Variants in CNNM4 observed in about 807,000 individuals in gnomAD.
CNNM4 encodes metal transporter CNNM4.
In CNNM4, 32 loss-of-function variants were observed where a neutral mutation model predicts 53.7. The ratio of observed to expected loss-of-function variants is 0.60; its 90% CI spans 0.45 to 0.80. The LOEUF is 0.80. Ranked by LOEUF, CNNM4 falls within the 30% of genes least tolerant of loss-of-function variation. The pLI is 0.00. For missense variants in CNNM4, 784 were observed against 1,022.0 expected (o/e 0.77, Z 3.17); for synonymous variants, 410 against 440.0 (o/e 0.93, Z 0.85).
At chr2:96,762,759 G>C (rs116606508) in intron 1 of CNNM4, among the ~76,000 whole-genome samples, 2 of 152,178 alleles carry the variant, frequency 1.3e-5, no homozygotes, top group Non-Finnish European at 2.9e-5. Context: ...GAGTCAGGAA[G>C]GGGCTGGGAA....
rs889281402 is a variant in CNNM4, at chr2:96,761,439, T to A, written c.440T>A (p.Leu147Gln). The A allele has an allele frequency of 6.2e-7, 1 of 1,613,984 alleles. No individual in the cohort carries two copies. The highest frequency in any genetic ancestry group is 1.3e-5 in the African/African-American group (1 of 74,926). Residue 147 changes from leucine to glutamine, a missense_variant, in exon 1 of 7, where the codon CTG (leucine) becomes CAG (glutamine). Physicochemically the swap from Leu to Gln is moderately radical, Grantham distance 113. This residue lies in a region of CNNM4 where 473 missense variants were observed against 624.6 expected (regional missense o/e 0.76). Coordinates refer to ENST00000377075, the MANE Select transcript of CNNM4 (RefSeq NM_020184.4). The surrounding 1 kb of genome is among the most constrained non-coding windows in gnomAD (Gnocchi z 6.0). ...KFLRRSESMK[L>Q]YALCTRAQPD... Reference sequence around the variant, plus strand: ...CTCCGGAGGAGCGAGAGCATGAAGCTGTATGCACTGTGCACCCGGGCCCAG... The same window carrying A: ...CTCCGGAGGAGCGAGAGCATGAAGCAGTATGCACTGTGCACCCGGGCCCAG...
At chr2:96,782,666 A>G (rs78509956) in intron 1 of CNNM4, among the ~76,000 whole-genome samples, 2 of 152,288 alleles carry the variant, frequency 1.3e-5, no homozygotes, top group African/African-American at 2.4e-5. Context: ...TTTGACATCA[A>G]TGATTCCTTG....
intron 1 of CNNM4, among the ~76,000 whole-genome samples, chr2:96,765,152 G>C (rs2078804860): frequency 7.0e-6 from 1 of 142,570 alleles, no homozygotes; most frequent in Non-Finnish European, 1.5e-5. Context: ...TTGAGACGGA[G>C]TTTTGCTCTT....
chr2:96,770,819 C>T (rs970549722), intron 1 of CNNM4, among the ~76,000 whole-genome samples: 4 of 152,194 alleles, frequency 2.6e-5, no homozygotes, highest in African/African-American at 7.2e-5. Flanking sequence ...CCTGAAAGGC[C>T]GCGCAGCCAT....
Position 96,801,157 on chromosome 2 carries a change from C to A in CNNM4, c.1948+1509C>A. 1 of 982,468 alleles carries A rather than the reference C, an allele frequency of 1.0e-6. No homozygotes were observed. Among genetic ancestry groups the A allele is most frequent in the Non-Finnish European group, 1.2e-6 (1 of 827,258 alleles). 60.9% of individuals were successfully genotyped at this position (982,468 alleles called of 1,614,324 possible). ...CAGGTAACGTGGCACAGCTGAGGGT[C>A]ACGCTGCCACCTGCTGCCTGTGCCT... On this transcript the variant is annotated intron_variant, in intron 5 of 6. Coordinates refer to ENST00000377075, the MANE Select transcript of CNNM4 (RefSeq NM_020184.4). This position sits in a 1 kb window ranked among gnomAD's most constrained non-coding sequence, Gnocchi z 5.6.
chr2:96,791,275 T>C (rs2079060250), intron 1 of CNNM4, among the ~76,000 whole-genome samples: 1 of 151,882 alleles, frequency 6.6e-6, no homozygotes, highest in Admixed American at 6.6e-5. Context: ...GCCCGTAAAA[T>C]TGTATTTTAA....
chr2:96,790,483 T>C (rs1276884020), intron 1 of CNNM4, among the ~76,000 whole-genome samples: 1 of 151,560 alleles, frequency 6.6e-6, no homozygotes, highest in Non-Finnish European at 1.5e-5. Context: ...GCCTCCCGAG[T>C]AGTTGGGATT....
intron 1 of CNNM4, among the ~76,000 whole-genome samples, chr2:96,780,084 G>C (rs1214810578): frequency 6.6e-6 from 1 of 152,082 alleles, no homozygotes; most frequent in East Asian, 1.9e-4. Context: ...ACAGGCAGGA[G>C]CCACCGCGCC....
intron 1 of CNNM4, among the ~76,000 whole-genome samples, chr2:96,777,715 TG>T (rs1263535422): frequency 1.3e-5 from 2 of 151,918 alleles, no homozygotes; most frequent in Non-Finnish European, 2.9e-5. Context: ...TTGGCCAGGC[TG>T]GTCTTGAACT....
intron 1 of CNNM4, 43 bp from the exon 2 acceptor site, chr2:96,796,969 C>G (rs774798211): frequency 6.2e-7 from 1 of 1,607,750 alleles, no homozygotes; most frequent in Non-Finnish European, 8.5e-7. Context: ...AGTCTCATGA[C>G]TGGCCTCTGG....
At chr2:96,776,997 T>G (rs1026392178) in intron 1 of CNNM4, among the ~76,000 whole-genome samples, 5 of 152,164 alleles carry the variant, frequency 3.3e-5, no homozygotes, top group Non-Finnish European at 7.3e-5. Context: ...TGACTATTCT[T>G]TTTATTTGTG....
intron 1 of CNNM4, among the ~76,000 whole-genome samples, chr2:96,767,988 C>G (rs1483984037): frequency 2.6e-5 from 4 of 152,322 alleles, no homozygotes; most frequent in African/African-American, 9.6e-5. Context: ...AGGAGAATCG[C>G]TTGAACGGAG....
Position 96,771,907 on chromosome 2 carries a change from G to C in CNNM4, c.1402+9506G>C, listed in dbSNP as rs148500719. On this transcript the variant is annotated intron_variant, in intron 1 of 6. Coordinates refer to ENST00000377075, the MANE Select transcript of CNNM4 (RefSeq NM_020184.4). ...GCCTCTGCGGGAAGGTGAGCCCAGA[G>C]GCTGGGTGTACAGCTGCTAGTTTGT... Among the ~76,000 whole-genome samples, 3 of 152,312 alleles carry C rather than the reference G, an allele frequency of 2.0e-5. No individual in the cohort carries two copies. In the East Asian group the frequency reaches 5.8e-4, roughly 29 times the overall value.
At chr2:96,780,664 C>T (rs1045036445) in intron 1 of CNNM4, among the ~76,000 whole-genome samples, 1 of 152,100 alleles carries the variant, frequency 6.6e-6, no homozygotes, top group Admixed American at 6.6e-5. Context: ...CAGTGCTACA[C>T]TTAGGATTAC....
chr2:96,797,296 C>A lies in CNNM4; in HGVS notation c.1546+141C>A. 1 of 1,379,340 alleles carries A rather than the reference C, an allele frequency of 7.2e-7. No homozygotes were observed. The highest frequency in any genetic ancestry group is 1.0e-6 in the Non-Finnish European group (1 of 987,568). The allele number at this position is 1,379,340 out of a possible 1,614,324, so 85.4% of individuals were successfully genotyped here. A position where few individuals can be genotyped will look rare whatever the true frequency, so the allele number is the denominator to read the frequency against. ...CAGTGGCTGGGTGCCCTGCACTGGC[C>A]GGGGTGAGCAGGGAGCAGGTTGCTG... On this transcript the variant is annotated intron_variant, in intron 2 of 6. Transcript: ENST00000377075. The surrounding 1 kb of genome is among the most constrained non-coding windows in gnomAD (Gnocchi z 6.0).
chr2:96,798,422 C>T (rs1427775606), intron 3 of CNNM4: 1 of 165,832 alleles, frequency 6.0e-6, no homozygotes, highest in East Asian at 1.7e-4. Context: ...CCAGCTCTCC[C>T]CTTTGCAGAC....
chr2:96,785,482 C>T (rs901305454), intron 1 of CNNM4, among the ~76,000 whole-genome samples: 19 of 151,456 alleles, frequency 1.3e-4, no homozygotes, highest in South Asian at 8.4e-4. Flanking sequence ...ACAAAAAATA[C>T]GAAAGTTGGC....
chr2:96,803,448 T>G (rs2079175509), intron 5 of CNNM4, among the ~76,000 whole-genome samples: 1 of 152,182 alleles, frequency 6.6e-6, no homozygotes. Flanking sequence ...CAGTTGGCCG[T>G]GCGCGGTGGC....
chr2:96,782,922 C>T (rs1005704614), intron 1 of CNNM4, among the ~76,000 whole-genome samples: 1 of 151,936 alleles, frequency 6.6e-6, no homozygotes, highest in African/African-American at 2.4e-5. Context: ...AATAGTGGTC[C>T]ACGCTGGGAA....
Sources: gnomAD v4.1 joint callset for allele counts (sites outside exome capture counted in the v4.1 genomes callset) on GRCh38, gnomAD v4.1.1 for gene constraint, gnomAD v4.1.1 regional missense constraint, Gnocchi (gnomAD v3.1) non-coding constraint, MANE v1.5 for transcripts, NCBI Gene and HGNC (gene_info 2026-07-23, HGNC 2026-07-21) for gene names.